Variants in ESCO2 observed in about 807,000 individuals in gnomAD.
The protein encoded by ESCO2 is N-acetyltransferase ESCO2.
A neutral mutation model predicts 61.7 loss-of-function variants in ESCO2; 51 were observed. That is an observed-to-expected ratio of 0.83 (90% CI 0.66 to 1.04). The LOEUF (loss-of-function observed/expected upper bound fraction) is 1.04. Ranked by LOEUF, ESCO2 falls within the 50% of genes least tolerant of loss-of-function variation. The probability of loss-of-function intolerance (pLI) is 0.00; values close to 1 mark genes in which losing one functional copy is unlikely to be tolerated. For synonymous variants in ESCO2, 230 were observed against 238.2 expected (o/e 0.97, Z 0.32); for missense variants, 692 against 686.2 (o/e 1.01, Z -0.09).
At chr8:27,792,577 A>C in intron 8 of ESCO2, 91 bp from the exon 9 acceptor site, 1 of 1,314,436 alleles carries the variant, frequency 7.6e-7, no homozygotes, top group Non-Finnish European at 1.0e-6. Context: ...GGCTAAAGTA[A>C]CAGTAATCAT....
At chr8:27,812,814 G>GA (rs1431335129), downstream of ESCO2, among the ~76,000 whole-genome samples, 1 of 152,106 alleles carries the variant, frequency 6.6e-6, no homozygotes, top group Non-Finnish European at 1.5e-5. Context: ...AAAAAGTCAG[G>GA]AAACAACAGA....
chr8:27,777,186 C>A lies in ESCO2; in HGVS notation c.861+17C>A. On this transcript the variant is annotated intron_variant, in intron 3 of 10. Transcript: ENST00000305188. ...TTAATAAAGGTAAAGCTAAATATAT[C>A]ACTTTAAAAATGGCTGTATAACAAA... 1 of 1,592,106 alleles carries A rather than the reference C, an allele frequency of 6.3e-7. No individual in the cohort carries two copies. The highest frequency in any genetic ancestry group is 1.2e-5 in the South Asian group (1 of 86,090).
chr8:27,801,186 A>G (rs1805415172), intron 10 of ESCO2, among the ~76,000 whole-genome samples: 1 of 152,180 alleles, frequency 6.6e-6, no homozygotes, highest in East Asian at 1.9e-4. Context: ...AAAGTTTCCA[A>G]TGTCACAAAC....
intron 10 of ESCO2, among the ~76,000 whole-genome samples, chr8:27,802,892 A>G (rs1805481521): frequency 6.6e-6 from 1 of 151,116 alleles, no homozygotes; most frequent in South Asian, 2.1e-4. Context: ...GACTACAGGC[A>G]TGCACCACCA....
At chr8:27,790,379 C>A (rs180926751) in intron 7 of ESCO2, among the ~76,000 whole-genome samples, 8 of 152,208 alleles carry the variant, frequency 5.3e-5, no homozygotes, top group Middle Eastern at 3.4e-3. Context: ...TCACAGAATG[C>A]AAAAGTATAT....
intron 5 of ESCO2, among the ~76,000 whole-genome samples, chr8:27,787,054 G>A (rs58322681): frequency 2.6e-5 from 4 of 151,966 alleles, no homozygotes; most frequent in African/African-American, 2.4e-5. Flanking sequence ...TTCCAAGTTC[G>A]AACTCATAGA....
chr8:27,785,468 G>A (rs1043862347), intron 5 of ESCO2, among the ~76,000 whole-genome samples: 2 of 152,288 alleles, frequency 1.3e-5, no homozygotes, highest in Non-Finnish European at 2.9e-5. Context: ...TTGGGAGGCC[G>A]AGGTGGGTGG....
Position 27,789,317 on chromosome 8 carries a change from A to G in ESCO2, c.1263+339A>G, listed in dbSNP as rs1281456666. ...ATTTATTAAACACCTTTCAAGTCCA[A>G]ACACATCCTATCATTGGCCCTATCT... On this transcript the variant is annotated intron_variant, in intron 7 of 10. Transcript: ENST00000305188. 2.6e-5 allele frequency among the ~76,000 whole-genome samples: 4 copies of G among 152,128 alleles called. No individual in the cohort carries two copies. In the East Asian group the frequency reaches 5.8e-4, roughly 22 times the overall value.
intron 4 of ESCO2, among the ~76,000 whole-genome samples, chr8:27,783,435 C>G (rs566945651): frequency 6.6e-6 from 1 of 152,120 alleles, no homozygotes; most frequent in South Asian, 2.1e-4. Flanking sequence ...TTTTCATTCT[C>G]TTTATTTTTT....
intron 5 of ESCO2, among the ~76,000 whole-genome samples, chr8:27,785,699 C>CA (rs567532485): frequency 0.14 from 14,191 of 98,394 alleles, 765 homozygotes; most frequent in South Asian, 0.23. Context: ...GATTCCATCT[C>CA]AAAAAAAAAA....
chr8:27,775,218 C>G (rs1804760929), intron 1 of ESCO2, among the ~76,000 whole-genome samples: 1 of 152,114 alleles, frequency 6.6e-6, no homozygotes, highest in East Asian at 1.9e-4. Flanking sequence ...TCTTGCTGGG[C>G]TCTGATGAAA....
chr8:27,818,010 A>G, the ESCO2 span, among the ~76,000 whole-genome samples: 1 of 152,222 alleles, frequency 6.6e-6, no homozygotes, highest in Admixed American at 6.5e-5. Context: ...AAATAGCAAC[A>G]TGCAGCTCAT....
At position 27,804,038 on chromosome 8, in the gene ESCO2, C is replaced by T. The variant is rs1330625592; in HGVS notation, c.*600C>T. The T allele has an allele frequency of 1.0e-6, 1 of 985,934 alleles. No homozygotes were observed. Among genetic ancestry groups the T allele is most frequent in the Non-Finnish European group, 1.2e-6 (1 of 830,542 alleles). 61.1% of individuals were successfully genotyped at this position (985,934 alleles called of 1,614,324 possible). A position where few individuals can be genotyped will look rare whatever the true frequency, so the allele number is the denominator to read the frequency against. ...CCACCGTGCCCAGCCTAATTCCTGA[C>T]TTCTCTATACAGAGTCTTCACTTGA... On this transcript the variant is annotated 3_prime_UTR_variant, in exon 11 of 11. Transcript: ENST00000305188.
chr8:27,774,083 CCT>C (rs1326151286), upstream of ESCO2, among the ~76,000 whole-genome samples: 7 of 151,862 alleles, frequency 4.6e-5, no homozygotes, highest in Non-Finnish European at 5.9e-5. Flanking sequence ...TAAATAGAAA[CCT>C]AAAGTTACTA....
chr8:27,791,527 C>T (rs1193614628), intron 7 of ESCO2, among the ~76,000 whole-genome samples: 2 of 152,174 alleles, frequency 1.3e-5, no homozygotes, highest in Non-Finnish European at 2.9e-5. Flanking sequence ...TGTAAGACTG[C>T]ACCCATCTGT....
At chr8:27,802,635 A>ATG (rs1805467555) in intron 10 of ESCO2, among the ~76,000 whole-genome samples, 9 of 58,814 alleles carry the variant, frequency 1.5e-4, no homozygotes, top group African/African-American at 6.9e-4. Context: ...AAAAAAATAT[A>ATG]TATATATATA....
intron 6 of ESCO2, 45 bp downstream of exon 6, chr8:27,788,047 GA>G (rs774062251): frequency 1.4e-6 from 2 of 1,442,862 alleles, no homozygotes; most frequent in African/African-American, 2.8e-5. Context: ...GCCCTTTGCA[GA>G]AAAGCTTGCC....
Position 27,776,759 on chromosome 8 carries a change from A to C in ESCO2, c.451A>C (p.Lys151Gln). 1 of 1,613,992 alleles carries C rather than the reference A, an allele frequency of 6.2e-7. No individual in the cohort carries two copies. The highest frequency in any genetic ancestry group is 8.5e-7 in the Non-Finnish European group (1 of 1,180,034). Residue 151 changes from lysine to glutamine, a missense_variant, in exon 3 of 11, where the codon AAG (lysine) becomes CAG (glutamine). Coordinates refer to ENST00000305188, the MANE Select transcript of ESCO2 (RefSeq NM_001017420.3). ...GAGTTTAACTGCTAAGTATCAACCA[A>C]AGTATAGACACATCAAGCCTGTATC... Reference protein sequence around the residue: ...QKSLTAKYQPKYRHIKPVSRN... With the variant: ...QKSLTAKYQPQYRHIKPVSRN...
chr8:27,787,861 T>C (rs367720056), intron 5 of ESCO2, 24 bp from the exon 6 acceptor site: 1 of 1,554,398 alleles, frequency 6.4e-7, no homozygotes, highest in Non-Finnish European at 8.9e-7. Flanking sequence ...TGTAAATTTA[T>C]ATATATCAAC....
Sources: gnomAD v4.1 joint callset for allele counts (sites outside exome capture counted in the v4.1 genomes callset) on GRCh38, gnomAD v4.1.1 for gene constraint, MANE v1.5 for transcripts, NCBI Gene and HGNC (gene_info 2026-07-23, HGNC 2026-07-21) for gene names.